Variants in SUPT3H observed in about 807,000 individuals in gnomAD.
SUPT3H encodes SPT3 homolog, SAGA and STAGA complex component.
SUPT3H carries 44 observed loss-of-function variants against 44.3 expected under a neutral mutation model. That is an observed-to-expected ratio of 0.99 (90% CI 0.78 to 1.28). The LOEUF (loss-of-function observed/expected upper bound fraction) is 1.28, where lower values mean the gene tolerates loss of function less well. Among genes scored for constraint, SUPT3H ranks in the 50% most tolerant of loss-of-function variants. The probability of loss-of-function intolerance (pLI) is 0.00; values close to 1 mark genes in which losing one functional copy is unlikely to be tolerated. For missense variants in SUPT3H, 380 were observed against 387.1 expected, an observed-to-expected ratio of 0.98 and a Z score of 0.15; for synonymous variants, 124 against 125.6, an observed-to-expected ratio of 0.99 and a Z score of 0.09.
intron 2 of SUPT3H, among the ~76,000 whole-genome samples, chr6:45,120,211 T>C (rs1372908137): frequency 6.6e-6 from 1 of 152,002 alleles, no homozygotes; most frequent in African/African-American, 2.4e-5. Flanking sequence ...CTCTATAATA[T>C]TGTCTTTCAT....
At chr6:44,868,556 G>A (rs537109177) in intron 10 of SUPT3H, among the ~76,000 whole-genome samples, 3 of 131,428 alleles carry the variant, frequency 2.3e-5, no homozygotes, top group African/African-American at 5.0e-5. Context: ...GTCATGCTAT[G>A]GACTCTGTTC....
At chr6:45,171,710 T>C (rs1235616832) in intron 2 of SUPT3H, among the ~76,000 whole-genome samples, 1 of 124,090 alleles carries the variant, frequency 8.1e-6, no homozygotes, top group East Asian at 2.3e-4. Context: ...AAAATTCCAC[T>C]TGCTTTTTTT....
At chr6:45,309,900 A>T (rs951906475) in intron 2 of SUPT3H, among the ~76,000 whole-genome samples, 6 of 152,146 alleles carry the variant, frequency 3.9e-5, no homozygotes, top group African/African-American at 1.4e-4. Flanking sequence ...AGTGTACCAG[A>T]TTGTGAATGT....
intron 10 of SUPT3H, among the ~76,000 whole-genome samples, chr6:44,901,452 G>A (rs889644898): frequency 5.9e-5 from 9 of 151,408 alleles, no homozygotes; most frequent in African/African-American, 2.2e-4. Context: ...ATGAAATGAA[G>A]CGAGAAGAGA....
chr6:45,248,120 C>T (rs1584483317), intron 2 of SUPT3H, among the ~76,000 whole-genome samples: 1 of 151,762 alleles, frequency 6.6e-6, no homozygotes, highest in African/African-American at 2.4e-5. Context: ...AAAACCTATA[C>T]AAAAAAACTA....
At chr6:44,937,850 G>C (rs1190077953) in intron 9 of SUPT3H, among the ~76,000 whole-genome samples, 1 of 148,768 alleles carries the variant, frequency 6.7e-6, no homozygotes, top group Non-Finnish European at 1.5e-5. Context: ...CCTGTCGGAT[G>C]CACAATTTGC....
chr6:44,876,618 C>G (rs1203792204), intron 10 of SUPT3H, among the ~76,000 whole-genome samples: 2 of 146,376 alleles, frequency 1.4e-5, no homozygotes, highest in South Asian at 2.2e-4. Context: ...CTAACCTGCA[C>G]AATGTGCACA....
At chr6:45,267,836 C>T (rs1775509822) in intron 2 of SUPT3H, among the ~76,000 whole-genome samples, 1 of 151,134 alleles carries the variant, frequency 6.6e-6, no homozygotes, top group Non-Finnish European at 1.5e-5. Flanking sequence ...AGGTTGCCCC[C>T]TAATCCAAAA....
chr6:45,024,760 G>A (rs1785700776), intron 3 of SUPT3H, among the ~76,000 whole-genome samples: 1 of 152,180 alleles, frequency 6.6e-6, no homozygotes, highest in Admixed American at 6.5e-5. Context: ...TCAATCAGTA[G>A]ACTGAGTAGC....
At chr6:45,323,302 G>A (rs1785802849) in intron 2 of SUPT3H, among the ~76,000 whole-genome samples, 1 of 151,892 alleles carries the variant, frequency 6.6e-6, no homozygotes, top group Non-Finnish European at 1.5e-5. Flanking sequence ...CAAAATTGCT[G>A]AAGTCTGACA....
intron 2 of SUPT3H, among the ~76,000 whole-genome samples, chr6:45,144,178 T>C (rs1283248725): frequency 3.9e-5 from 6 of 152,022 alleles, no homozygotes; most frequent in Non-Finnish European, 5.9e-5. Flanking sequence ...GAAGAAATCC[T>C]CCTTAAATAA....
chr6:45,019,063 G>C (rs531389597), intron 4 of SUPT3H, among the ~76,000 whole-genome samples: 32 of 152,048 alleles, frequency 2.1e-4, no homozygotes, highest in Non-Finnish European at 4.1e-4. Context: ...ACTTCTTCCT[G>C]GTTTAGTCTT....
At chr6:44,962,050 T>C (rs1254126538) in intron 6 of SUPT3H, among the ~76,000 whole-genome samples, 2 of 152,202 alleles carry the variant, frequency 1.3e-5, no homozygotes, top group Non-Finnish European at 2.9e-5. Flanking sequence ...TCTGCTCCTT[T>C]GTTATTGAAA....
At chr6:44,984,430 C>T (rs1001635596) in intron 6 of SUPT3H, among the ~76,000 whole-genome samples, 2 of 152,072 alleles carry the variant, frequency 1.3e-5, no homozygotes, top group Admixed American at 1.3e-4. Flanking sequence ...AGTTGTAGTT[C>T]TTGAGGCCCA....
intron 2 of SUPT3H, among the ~76,000 whole-genome samples, chr6:45,345,592 C>T (rs760105671): frequency 6.6e-6 from 1 of 152,054 alleles, no homozygotes; most frequent in Non-Finnish European, 1.5e-5. Context: ...CTCATAAATC[C>T]CCAAGACCTA....
intron 6 of SUPT3H, among the ~76,000 whole-genome samples, chr6:44,987,620 G>A (rs544885750): frequency 6.6e-6 from 1 of 152,248 alleles, no homozygotes; most frequent in Non-Finnish European, 1.5e-5. Context: ...AATGGAAGGA[G>A]AGGAAATGTA....
At chr6:45,361,109 T>C (rs1794175411) in intron 2 of SUPT3H, among the ~76,000 whole-genome samples, 1 of 152,142 alleles carries the variant, frequency 6.6e-6, no homozygotes, top group African/African-American at 2.4e-5. Context: ...ATCTCAAAAA[T>C]ACAAAGGTAA....
chr6:45,303,977 A>C (rs78270712), intron 2 of SUPT3H, among the ~76,000 whole-genome samples: 3 of 142,100 alleles, frequency 2.1e-5, no homozygotes, highest in African/African-American at 5.2e-5. Flanking sequence ...ACTCTGTCTC[A>C]AAAAAAAAAA....
At chr6:44,836,048 G>T (rs1288331066) in intron 10 of SUPT3H, among the ~76,000 whole-genome samples, 1 of 152,110 alleles carries the variant, frequency 6.6e-6, no homozygotes, top group Non-Finnish European at 1.5e-5. Context: ...CTTTTTAAAA[G>T]ATAAAATATG....
Sources: gnomAD v4.1 joint callset for allele counts (sites outside exome capture counted in the v4.1 genomes callset) on GRCh38, gnomAD v4.1.1 for gene constraint, MANE v1.5 for transcripts, NCBI Gene and HGNC (gene_info 2026-07-23, HGNC 2026-07-21) for gene names.